Variants in SLC24A4 observed in about 807,000 individuals in gnomAD.
SLC24A4 encodes the protein solute carrier family 24 member 4, also known as sodium/potassium/calcium exchanger 4.
In SLC24A4, 53 loss-of-function variants were observed where a neutral mutation model predicts 79.0. The ratio of observed to expected loss-of-function variants is 0.67; its 90% CI spans 0.54 to 0.84. SLC24A4 has a LOEUF of 0.84. SLC24A4 is among the 40% of genes least tolerant of loss of function. The pLI, the probability that SLC24A4 is intolerant of heterozygous loss-of-function variation, is 0.00. For synonymous variants in SLC24A4, 323 were observed against 323.8 expected (o/e 1.00, Z 0.03); for missense variants, 731 against 822.0 (o/e 0.89, Z 1.35).
chr14:92,437,803 T>G (rs542694721), intron 3 of SLC24A4, among the ~76,000 whole-genome samples: 13 of 152,338 alleles, frequency 8.5e-5, no homozygotes, highest in African/African-American at 3.1e-4. Flanking sequence ...TTATTTTAAA[T>G]TCTTAAAATG....
chr14:92,360,105 G>T (rs765007546), intron 2 of SLC24A4, among the ~76,000 whole-genome samples: 9 of 152,152 alleles, frequency 5.9e-5, no homozygotes, highest in Non-Finnish European at 1.2e-4. Flanking sequence ...TTTTAGCAGA[G>T]GCTATTTATC....
intron 2 of SLC24A4, among the ~76,000 whole-genome samples, chr14:92,360,163 C>T (rs904394488): frequency 6.6e-6 from 1 of 152,248 alleles, no homozygotes; most frequent in Admixed American, 6.5e-5. Flanking sequence ...ACCTCATAAT[C>T]TGCCCACCTT....
intron 13 of SLC24A4, among the ~76,000 whole-genome samples, chr14:92,486,360 G>T (rs969174477): frequency 6.6e-6 from 1 of 152,124 alleles, no homozygotes; most frequent in Non-Finnish European, 1.5e-5. Flanking sequence ...GAGTGTTGGA[G>T]GGCTCAGAGG....
At chr14:92,470,462 G>C (rs1194454731) in intron 12 of SLC24A4, among the ~76,000 whole-genome samples, 4 of 152,158 alleles carry the variant, frequency 2.6e-5, no homozygotes, top group Non-Finnish European at 5.9e-5. Context: ...ATCAGCAACT[G>C]CATCTGTTCT....
chr14:92,491,799 CA>C, intron 15 of SLC24A4, 22 bp downstream of exon 15: 4 of 1,571,544 alleles, frequency 2.5e-6, no homozygotes, highest in Non-Finnish European at 3.5e-6. Context: ...TCACCTTTAA[CA>C]GATGTGTTTT....
intron 12 of SLC24A4, among the ~76,000 whole-genome samples, chr14:92,467,643 T>A (rs919779906): frequency 2.0e-5 from 3 of 152,146 alleles, no homozygotes; most frequent in Non-Finnish European, 4.4e-5. Context: ...CCCTAGAAAT[T>A]CACTCCATGT....
At position 92,443,493 on chromosome 14, in the gene SLC24A4, C is replaced by T; in HGVS notation, c.657+19C>T. Reference sequence around the variant, plus strand: ...CATCGTGGTGAGTTGCCCCTCTGCCCCCAAGGTCAGGTTGGCTGGGACCCT... The same window carrying T: ...CATCGTGGTGAGTTGCCCCTCTGCCTCCAAGGTCAGGTTGGCTGGGACCCT... On this transcript the variant is annotated intron_variant, in intron 7 of 16. Transcript: ENST00000532405. 2 of 1,613,902 alleles carry T rather than the reference C, an allele frequency of 1.2e-6. No homozygotes were observed. The highest frequency in any genetic ancestry group is 1.7e-6 in the Non-Finnish European group (2 of 1,179,782).
intron 12 of SLC24A4, among the ~76,000 whole-genome samples, chr14:92,461,924 A>T (rs1319632930): frequency 6.6e-6 from 1 of 152,212 alleles, no homozygotes; most frequent in Non-Finnish European, 1.5e-5. Context: ...CTGCAGGTGC[A>T]ATGAGCCGGG....
At chr14:92,384,121 T>TC (rs1170524321) in intron 2 of SLC24A4, among the ~76,000 whole-genome samples, 1 of 152,136 alleles carries the variant, frequency 6.6e-6, no homozygotes, top group African/African-American at 2.4e-5. Flanking sequence ...GTGGTTGTTT[T>TC]CCCCCCAGCT....
chr14:92,374,359 C>T (rs1480415803), intron 2 of SLC24A4, among the ~76,000 whole-genome samples: 2 of 152,242 alleles, frequency 1.3e-5, no homozygotes, highest in Non-Finnish European at 2.9e-5. Context: ...CAGTGAGGGA[C>T]AAGACCAGAG....
intron 2 of SLC24A4, among the ~76,000 whole-genome samples, chr14:92,348,467 T>C (rs1886669875): frequency 6.6e-6 from 1 of 152,242 alleles, no homozygotes; most frequent in Non-Finnish European, 1.5e-5. Context: ...AATGAATGTG[T>C]TGCGATAAAA....
In SLC24A4 at chr14:92,333,998, G is replaced by A. The variant is rs542584652; in HGVS notation, c.241+8020G>A. Reference sequence around the variant, plus strand: ...CGAGAAATCAAGAGAAGGACAAGGGGCCTAGAGCTGCAAAAAGGACATCAG... The same window carrying A: ...CGAGAAATCAAGAGAAGGACAAGGGACCTAGAGCTGCAAAAAGGACATCAG... On this transcript the variant is annotated intron_variant, in intron 2 of 16. Transcript: ENST00000532405. Among the ~76,000 whole-genome samples, 54 of 152,210 alleles carry A rather than the reference G, an allele frequency of 3.5e-4. 1 individual carries two copies. Among genetic ancestry groups the A allele is most frequent in the Non-Finnish European group, 7.5e-4 (51 of 68,008 alleles).
chr14:92,455,708 A>T (rs1399781680), intron 11 of SLC24A4, among the ~76,000 whole-genome samples: 1 of 148,846 alleles, frequency 6.7e-6, no homozygotes, highest in Admixed American at 6.7e-5. Context: ...CTGTGCACTT[A>T]GTGTAAGTGT....
intron 2 of SLC24A4, among the ~76,000 whole-genome samples, chr14:92,370,810 A>G (rs917448450): frequency 2.0e-5 from 3 of 152,180 alleles, no homozygotes; most frequent in African/African-American, 7.2e-5. Context: ...AGTTTCCCCA[A>G]TGTTTAAAAA....
At chr14:92,346,556 T>C (rs1056940105) in intron 2 of SLC24A4, among the ~76,000 whole-genome samples, 5 of 152,226 alleles carry the variant, frequency 3.3e-5, no homozygotes, top group Admixed American at 2.6e-4. Flanking sequence ...TGTAACCATC[T>C]ACTTAAACAA....
rs36228701 is a variant in SLC24A4, at chr14:92,449,281, TACACACACACACACACACAC to T, written c.880+88_880+107del. 833 of 869,778 alleles carry T rather than the reference TACACACACACACACACACAC, an allele frequency of 9.6e-4. 3 individuals are homozygous for T. The African/African-American group carries it at 0.012, about 13-fold the overall frequency. The allele number at this position is 869,778 out of a possible 1,614,324, so 53.9% of individuals were successfully genotyped here. On this transcript the variant is annotated intron_variant, in intron 10 of 16. Transcript: ENST00000532405. Reference sequence around the variant, plus strand: ...GGAAGCCACTCTCTCCTCTTTTGTGTACACACACACACACACACACACACACACACACACACACACACCCT... The same window carrying T: ...GGAAGCCACTCTCTCCTCTTTTGTGTACACACACACACACACACACACCCT...
chr14:92,329,264 C>T (rs1885329257), intron 2 of SLC24A4, among the ~76,000 whole-genome samples: 1 of 152,246 alleles, frequency 6.6e-6, no homozygotes, highest in Admixed American at 6.5e-5. Context: ...CCCACATCTC[C>T]TTAAGAACCT....
chr14:92,401,313 G>A (rs1360347543), intron 2 of SLC24A4, among the ~76,000 whole-genome samples: 3 of 152,184 alleles, frequency 2.0e-5, no homozygotes, highest in Non-Finnish European at 4.4e-5. Context: ...ATCCTAGAAG[G>A]TGCTGTTCAA....
Position 92,398,280 on chromosome 14 carries a change from G to A in SLC24A4, c.242-35632G>A, listed in dbSNP as rs1889893837. 3.9e-5 allele frequency among the ~76,000 whole-genome samples: 6 copies of A among 152,296 alleles called. 1 individual carries two copies. The Middle Eastern group carries it at 0.01, about 259-fold the overall frequency. ...CTAGACTAAGGATGCCCTTATCTTC[G>A]GAGCAGTAGAGGTCACCGAGGGCTT... On this transcript the variant is annotated intron_variant, in intron 2 of 16. Coordinates refer to ENST00000532405, the MANE Select transcript of SLC24A4 (RefSeq NM_153646.4). The surrounding 1 kb of genome is among the most constrained non-coding windows in gnomAD (Gnocchi z 4.1).
Sources: gnomAD v4.1 joint callset for allele counts (sites outside exome capture counted in the v4.1 genomes callset) on GRCh38, gnomAD v4.1.1 for gene constraint, Gnocchi (gnomAD v3.1) non-coding constraint, MANE v1.5 for transcripts, NCBI Gene and HGNC (gene_info 2026-07-23, HGNC 2026-07-21) for gene names.